CHODL: variants seen among roughly 807,000 people sequenced by gnomAD.
CHODL encodes the protein chondrolectin, also known as transmembrane protein MT75.
Under a neutral mutation model 34.5 loss-of-function variants are expected in CHODL, and 29 were observed. That is an observed-to-expected ratio of 0.84 (90% CI 0.63 to 1.15). The LOEUF is 1.15. Among genes scored for constraint, CHODL ranks in the 50% most tolerant of loss-of-function variants. The pLI, the probability that CHODL is intolerant of heterozygous loss-of-function variation, is 0.00. For missense variants in CHODL, 332 were observed against 332.5 expected (o/e 1.00, Z 0.01); for synonymous variants, 125 against 116.1 (o/e 1.08, Z -0.49).
intron 2 of CHODL, among the ~76,000 whole-genome samples, chr21:18,057,472 T>C (rs2064597636): frequency 1.3e-5 from 2 of 152,110 alleles, no homozygotes; most frequent in African/African-American, 4.8e-5. Context: ...CTTAGAGTGG[T>C]TTTTGTTACA....
At chr21:18,010,137 A>T (rs1321197247) in intron 1 of CHODL, among the ~76,000 whole-genome samples, 1 of 144,996 alleles carries the variant, frequency 6.9e-6, no homozygotes, top group Non-Finnish European at 1.5e-5. Flanking sequence ...AAAAAAAAAA[A>T]AAAAAAAAAA....
chr21:18,194,585 T>C (rs910230595), intron 2 of CHODL, among the ~76,000 whole-genome samples: 1 of 149,762 alleles, frequency 6.7e-6, no homozygotes, highest in Admixed American at 6.8e-5. Flanking sequence ...CAATTTAAAT[T>C]AGTCACTGAG....
chr21:18,171,198 G>GTTCTTTTTTTTTTTT (rs1333481522), intron 2 of CHODL, among the ~76,000 whole-genome samples: 422 of 37,066 alleles, frequency 0.011, 194 homozygotes, highest in African/African-American at 0.029. Context: ...GTTTTCTTTA[G>GTTCTTTTTTTTTTTT]TTTTTTTTTT....
chr21:18,091,120 G>C (rs1017160888), intron 2 of CHODL, among the ~76,000 whole-genome samples: 6 of 152,166 alleles, frequency 3.9e-5, no homozygotes, highest in African/African-American at 7.2e-5. Flanking sequence ...GCCATGCTTG[G>C]CTTAGCCAGT....
intron 2 of CHODL, among the ~76,000 whole-genome samples, chr21:18,057,069 C>T (rs750114928): frequency 6.6e-6 from 1 of 152,066 alleles, no homozygotes; most frequent in Non-Finnish European, 1.5e-5. Context: ...ACTTCCATGT[C>T]ATTATCTTCA....
At chr21:18,002,084 G>C (rs1292319933) in intron 1 of CHODL, among the ~76,000 whole-genome samples, 1 of 151,976 alleles carries the variant, frequency 6.6e-6, no homozygotes, top group African/African-American at 2.4e-5. Context: ...TTTTGTCATG[G>C]TATTGTTCAA....
At chr21:18,215,385 A>G (rs1436486442) in intron 2 of CHODL, among the ~76,000 whole-genome samples, 1 of 152,096 alleles carries the variant, frequency 6.6e-6, no homozygotes, top group African/African-American at 2.4e-5. Context: ...AATTTATTTT[A>G]TGTGGAAGGA....
intron 2 of CHODL, among the ~76,000 whole-genome samples, chr21:18,117,075 G>C (rs190645879): frequency 6.6e-6 from 1 of 152,154 alleles, no homozygotes; most frequent in African/African-American, 2.4e-5. Context: ...AGGTTATAGC[G>C]GTGTTCCACT....
At chr21:17,993,169 A>C (rs1398235747) in intron 1 of CHODL, among the ~76,000 whole-genome samples, 2 of 152,010 alleles carry the variant, frequency 1.3e-5, no homozygotes, top group African/African-American at 2.4e-5. Flanking sequence ...TATTAGCTGC[A>C]GGTATTTCAT....
intron 2 of CHODL, among the ~76,000 whole-genome samples, chr21:18,218,160 T>G (rs115653915): frequency 0.028 from 4,190 of 152,318 alleles, 190 homozygotes; most frequent in African/African-American, 0.095. Flanking sequence ...GTGGGGACTC[T>G]GTATGGGGGC....
chr21:18,102,292 A>T (rs930570312), intron 2 of CHODL, among the ~76,000 whole-genome samples: 2 of 152,150 alleles, frequency 1.3e-5, no homozygotes, highest in African/African-American at 4.8e-5. Flanking sequence ...ATTCCTACTT[A>T]TGTCCTTTAA....
intron 1 of CHODL, among the ~76,000 whole-genome samples, chr21:17,995,353 A>G (rs1348728633): frequency 6.6e-6 from 1 of 152,108 alleles, no homozygotes; most frequent in East Asian, 1.9e-4. Context: ...CTGCCATGGG[A>G]ATGTAGACTG....
At chr21:18,252,719 A>G (rs1355977128) in intron 1 of CHODL, among the ~76,000 whole-genome samples, 1 of 152,192 alleles carries the variant, frequency 6.6e-6, no homozygotes, top group African/African-American at 2.4e-5. Context: ...GCCTTGCTAG[A>G]TCTGAACTGT....
chr21:17,992,895 C>T (rs1027696461), intron 1 of CHODL, among the ~76,000 whole-genome samples: 8 of 152,032 alleles, frequency 5.3e-5, no homozygotes, highest in South Asian at 4.1e-4. Flanking sequence ...CTCAGGTGAT[C>T]GCTTGCCTCA....
At chr21:17,955,158 G>A (rs2063486791) in intron 1 of CHODL, among the ~76,000 whole-genome samples, 1 of 135,860 alleles carries the variant, frequency 7.4e-6, no homozygotes, top group African/African-American at 2.5e-5. Flanking sequence ...TACCTTCAAT[G>A]TTGACCAACT....
intron 2 of CHODL, among the ~76,000 whole-genome samples, chr21:18,206,760 T>C (rs2073716209): frequency 6.6e-6 from 1 of 151,810 alleles, no homozygotes; most frequent in African/African-American, 2.4e-5. Flanking sequence ...AAGGTGTTTT[T>C]CTCTGGTGGT....
At chr21:17,988,053 TA>T (rs1429497768) in intron 1 of CHODL, among the ~76,000 whole-genome samples, 1 of 117,570 alleles carries the variant, frequency 8.5e-6, no homozygotes, top group Non-Finnish European at 1.7e-5. Context: ...AAAAATCCCA[TA>T]AAAAAGTCAT....
At chr21:17,951,225 A>G (rs558547063) in intron 1 of CHODL, among the ~76,000 whole-genome samples, 1 of 151,920 alleles carries the variant, frequency 6.6e-6, no homozygotes, top group South Asian at 2.1e-4. Context: ...TAAGACTTCT[A>G]TTTTCTTTCA....
At chr21:18,053,541 G>C (rs1025434799) in intron 2 of CHODL, among the ~76,000 whole-genome samples, 2 of 151,848 alleles carry the variant, frequency 1.3e-5, no homozygotes, top group Admixed American at 6.6e-5. Context: ...TTTAGAAATG[G>C]AACCTCCATT....
Sources: allele counts gnomAD v4.1 joint callset (sites outside exome capture counted in the v4.1 genomes callset), GRCh38; gene constraint gnomAD v4.1.1; transcripts MANE v1.5; gene names NCBI Gene and HGNC (gene_info 2026-07-23, HGNC 2026-07-21).